Variants in RNF208 observed in about 807,000 individuals in gnomAD.
RNF208 encodes ring finger protein 208.
RNF208 carries 7 observed loss-of-function variants against 15.2 expected under a neutral mutation model. That is an observed-to-expected ratio of 0.46 (90% confidence interval 0.26 to 0.86). The LOEUF is 0.86. Ranked by LOEUF, RNF208 falls within the 40% of genes least tolerant of loss-of-function variation. The pLI is 0.16. For synonymous variants in RNF208, 211 were observed against 163.2 expected, an observed-to-expected ratio of 1.29 and a Z score of -2.23; for missense variants, 342 against 364.1, an observed-to-expected ratio of 0.94 and a Z score of 0.49.
upstream of RNF208, among the ~76,000 whole-genome samples, chr9:137,223,056 C>A (rs1021041306): frequency 6.6e-6 from 1 of 152,218 alleles, no homozygotes; most frequent in Non-Finnish European, 1.5e-5. Context: ...CTCCTCTCTC[C>A]GCTGGACTGG....
chr9:137,222,806 G>C (rs1044402964), upstream of RNF208, among the ~76,000 whole-genome samples: 4 of 152,252 alleles, frequency 2.6e-5, no homozygotes, highest in African/African-American at 9.6e-5. Context: ...GGGTGGAGGC[G>C]GCCCTGAGGA....
chr9:137,223,182 T>G (rs1318193484), upstream of RNF208, among the ~76,000 whole-genome samples: 1 of 152,228 alleles, frequency 6.6e-6, no homozygotes, highest in Non-Finnish European at 1.5e-5. Flanking sequence ...GGAGCAGCCC[T>G]GCGCATAGGG....
chr9:137,221,271 GGGGCAGGT>G lies in RNF208; in HGVS notation c.-67_-60del. 8.4e-7 allele frequency: 1 copy of G among 1,188,792 alleles called. No homozygotes were observed. The highest frequency in any genetic ancestry group is 1.1e-6 in the Non-Finnish European group (1 of 894,934). 73.6% of individuals were successfully genotyped at this position (1,188,792 alleles called of 1,614,324 possible). A position where few individuals can be genotyped will look rare whatever the true frequency, so the allele number is the denominator to read the frequency against. On this transcript the variant is annotated 5_prime_UTR_variant, in exon 2 of 2. The change abolishes the stop of an existing upstream ORF in the 5' untranslated region. Coordinates refer to ENST00000391553, the MANE Select transcript of RNF208 (RefSeq NM_031297.7). ...GGGTGGGGGCGTTGTGTGGGGCTGG[GGGGCAGGT>G]GACAGGGCAGCATCCTGGTCCCGCC... is the stretch of plus-strand genomic sequence containing the variant.
chr9:137,222,986 T>G (rs1208929231), upstream of RNF208, among the ~76,000 whole-genome samples: 1 of 152,354 alleles, frequency 6.6e-6, no homozygotes, highest in East Asian at 1.9e-4. Flanking sequence ...GGGCCTCCGC[T>G]GCCACGCTGT....
chr9:137,220,803 G>A lies in RNF208; in HGVS notation c.410C>T (p.Ala137Val). 6.2e-7 allele frequency: 1 copy of A among 1,607,750 alleles called. No homozygotes were observed. The change falls in exon 2 of 2, where the codon GCA becomes GTA. Residue 137 changes from alanine (A) to valine (V), a missense_variant. Transcript: ENST00000391553. ...PSASAASSAAAGEPLECPTCG... is the reference protein window; with the variant it reads ...PSASAASSAAVGEPLECPTCG... The stretch of plus-strand genomic sequence containing the variant: ...GGTGGGGCACTCCAGGGGCTCGCCT[G>A]CCGCCGCCGAAGAAGCCGCCGAGGC...
In RNF208 at chr9:137,221,742, C is replaced by T. The variant is rs1371890796; in HGVS notation, c.-526-4G>A. The stretch of plus-strand genomic sequence containing the variant: ...CGAGGCCTGGGCCAGGCCTGAGCTG[C>T]AGGTGAGAGACGGCATGAGGGCAGT... On this transcript the variant is annotated splice_region_variant and splice_polypyrimidine_tract_variant and intron_variant, in intron 1 of 1. Coordinates refer to ENST00000391553, the MANE Select transcript of RNF208 (RefSeq NM_031297.7). Among the ~76,000 whole-genome samples, 1 of 152,104 alleles carries T rather than the reference C, an allele frequency of 6.6e-6. No homozygotes were observed. Among genetic ancestry groups the T allele is most frequent in the Non-Finnish European group, 1.5e-5 (1 of 67,972 alleles).
Position 137,220,641 on chromosome 9 carries a change from C to A in RNF208, c.572G>T (p.Arg191Leu). ...GTAGTCGGTGAAGAGCACAGTCTCA[C>A]GGCGGCAGGTGGGGCAGGAGATGAA... ...YKFISCPTCRRETVLFTDYGL... is the reference protein window; with the variant it reads ...YKFISCPTCRLETVLFTDYGL... The change falls in exon 2 of 2, where the codon CGT (arginine) becomes CTT (leucine). Residue 191 changes from arginine (R) to leucine (L), a missense_variant. Around this residue, in one of 3 missense-constraint regions of RNF208, gnomAD observed 76 missense variants for 118.0 expected, o/e 0.64. Transcript: ENST00000391553. 6.2e-7 allele frequency: 1 copy of A among 1,612,522 alleles called. No individual in the cohort carries two copies. The highest frequency in any genetic ancestry group is 1.1e-5 in the South Asian group (1 of 91,068).
chr9:137,223,367 G>A (rs1419355719), upstream of RNF208, among the ~76,000 whole-genome samples: 2 of 152,214 alleles, frequency 1.3e-5, no homozygotes, highest in Non-Finnish European at 2.9e-5. Flanking sequence ...CTCCGCCGCA[G>A]ACTCTGCTCA....
Position 137,221,639 on chromosome 9 carries a change from G to A in RNF208, c.-427C>T, listed in dbSNP as rs1019158863. On this transcript the variant is annotated 5_prime_UTR_variant, in exon 2 of 2. Transcript: ENST00000391553. ...GGTGGGCCCCATGGCTCCAGGACAG[G>A]GCGCCCAGGGAAGGCAGCTAGCCGA... is the stretch of plus-strand genomic sequence containing the variant. 1 of 161,792 alleles carries A rather than the reference G, an allele frequency of 6.2e-6. No individual in the cohort carries two copies. The highest frequency in any genetic ancestry group is 1.3e-5 in the Non-Finnish European group (1 of 74,926). 10.0% of individuals were successfully genotyped at this position (161,792 alleles called of 1,614,324 possible). A position where few individuals can be genotyped will look rare whatever the true frequency, so the allele number is the denominator to read the frequency against.
chr9:137,221,438 A>AG lies in RNF208; in HGVS notation c.-227dup, dbSNP rs1273213528. The stretch of plus-strand genomic sequence containing the variant: ...TGGGAGGAGGAGGAAGGGGTGGGGG[A>AG]GGGGGAGGCAGGCGGGGGCAGGGAG... On this transcript the variant is annotated 5_prime_UTR_variant, in exon 2 of 2. Transcript: ENST00000391553. The AG allele has an allele frequency of 1.2e-4, 2 of 16,898 alleles. No individual in the cohort carries two copies. Among genetic ancestry groups the AG allele is most frequent in the African/African-American group, 4.5e-4 (2 of 4,424 alleles). The allele number at this position is 16,898 out of a possible 1,614,324, so 1.0% of individuals were successfully genotyped here.
In RNF208 at chr9:137,220,354, G is replaced by A. The variant is rs889316136; in HGVS notation, c.*73C>T. ...GGTGGGGAAGGAAGGGTCAGCGGGC[G>A]GCAGGGCAGGGCCGGGTCCCTGAAG... is the stretch of plus-strand genomic sequence containing the variant. On this transcript the variant is annotated 3_prime_UTR_variant, in exon 2 of 2. Transcript: ENST00000391553. 2.9e-5 allele frequency: 41 copies of A among 1,436,286 alleles called. No individual in the cohort carries two copies. The highest frequency in any genetic ancestry group is 1.1e-4 in the African/African-American group (8 of 71,042). The allele number at this position is 1,436,286 out of a possible 1,614,324, so 89.0% of individuals were successfully genotyped here.
chr9:137,220,394 G>A lies in RNF208; in HGVS notation c.*33C>T. ...GGTCCCTGAAGAAGCAGCGAGCGAGGCTCAGCGGGCAGTGGCGGGCAGGCA... is the reference window on the plus strand; with the variant it reads ...GGTCCCTGAAGAAGCAGCGAGCGAGACTCAGCGGGCAGTGGCGGGCAGGCA... On this transcript the variant is annotated 3_prime_UTR_variant, in exon 2 of 2. Coordinates refer to ENST00000391553, the MANE Select transcript of RNF208 (RefSeq NM_031297.7). 1 of 1,529,562 alleles carries A rather than the reference G, an allele frequency of 6.5e-7. No homozygotes were observed. The highest frequency in any genetic ancestry group is 1.4e-5 in the African/African-American group (1 of 73,816). 94.7% of individuals were successfully genotyped at this position (1,529,562 alleles called of 1,614,324 possible).
In RNF208 at chr9:137,221,192, G is replaced by T; in HGVS notation, c.21C>A (p.Pro7=). The T allele has an allele frequency of 6.6e-7, 1 of 1,518,656 alleles. No individual in the cohort carries two copies. The highest frequency in any genetic ancestry group is 8.8e-7 in the Non-Finnish European group (1 of 1,131,290). 94.1% of individuals were successfully genotyped at this position (1,518,656 alleles called of 1,614,324 possible). A position where few individuals can be genotyped will look rare whatever the true frequency, so the allele number is the denominator to read the frequency against. The part of the protein sequence containing the change: MPSDPG[P]EAGSGWPGLL... ...GGCCCGGCCAGCCACTGCCCGCCTC[G>T]GGCCCGGGGTCAGAGGGCATCCGGC... The change falls in exon 2 of 2, where the codon CCC becomes CCA. Residue 7 remains proline, a synonymous_variant. Transcript: ENST00000391553.
rs1038987185 is a variant in RNF208, at chr9:137,221,969, C to G, written c.-527+20G>C. 1.3e-5 allele frequency among the ~76,000 whole-genome samples: 2 copies of G among 151,904 alleles called. No homozygotes were observed. The highest frequency in any genetic ancestry group is 2.9e-5 in the Non-Finnish European group (2 of 67,912). On this transcript the variant is annotated intron_variant, in intron 1 of 1. Transcript: ENST00000391553. The stretch of plus-strand genomic sequence containing the variant: ...GGAGGGGCGCTGAGTCCGCCCCCGG[C>G]CCCCGCCCCCTGCGCTCACCTGCCC...
In RNF208 at chr9:137,220,700, C is replaced by T; in HGVS notation, c.513G>A (p.Leu171=). 1 of 1,612,606 alleles carries T rather than the reference C, an allele frequency of 6.2e-7. No individual in the cohort carries two copies. The highest frequency in any genetic ancestry group is 8.5e-7 in the Non-Finnish European group (1 of 1,179,940). ...SCLHSVCEQC[L]QILYESCPKY... is the part of the protein sequence containing the mutation. ...TGGGGCAGGACTCGTAGAGAATCTG[C>T]AGGCACTGCTCACACACAGAGTGCA... Residue 171 remains leucine (L), a synonymous_variant, in exon 2 of 2, where the codon CTG becomes CTA. Transcript: ENST00000391553.
In RNF208 at chr9:137,220,423, G is replaced by T; in HGVS notation, c.*4C>A. 1 of 1,560,158 alleles carries T rather than the reference G, an allele frequency of 6.4e-7. No individual in the cohort carries two copies. Among genetic ancestry groups the T allele is most frequent in the Non-Finnish European group, 8.7e-7 (1 of 1,151,086 alleles). ...AGCGGGCAGTGGCGGGCAGGCAGGC[G>T]CTACTACATGATGGAGCAGGCGGAC... is the stretch of plus-strand genomic sequence containing the variant. On this transcript the variant is annotated 3_prime_UTR_variant, in exon 2 of 2. Coordinates refer to ENST00000391553, the MANE Select transcript of RNF208 (RefSeq NM_031297.7).
In RNF208 at chr9:137,221,369, C is replaced by G. The variant is rs866875953; in HGVS notation, c.-157G>C. 108 of 393,458 alleles carry G rather than the reference C, an allele frequency of 2.7e-4. No homozygotes were observed. In the Middle Eastern group the frequency reaches 2.8e-3, roughly 10 times the overall value. 24.4% of individuals were successfully genotyped at this position (393,458 alleles called of 1,614,324 possible). On this transcript the variant is annotated 5_prime_UTR_variant, in exon 2 of 2. Transcript: ENST00000391553. ...GGACAGCCGGCGAGAGTTGGGGGTG[C>G]AGGGCCCCCCCCAGTGGCCACAGTG...
Position 137,221,198 on chromosome 9 carries a change from G to A in RNF208, c.15C>T (p.Pro5=), listed in dbSNP as rs376968453. The A allele has an allele frequency of 1.5e-4, 230 of 1,503,212 alleles. No homozygotes were observed. The highest frequency in any genetic ancestry group is 2.3e-4 in the Admixed American group (11 of 48,028). The allele number at this position is 1,503,212 out of a possible 1,614,324, so 93.1% of individuals were successfully genotyped here. The part of the protein sequence containing the change: MPSD[P]GPEAGSGWPG... ...GCCAGCCACTGCCCGCCTCGGGCCC[G>A]GGGTCAGAGGGCATCCGGCTGTCTC... Residue 5 remains proline (P), a synonymous_variant, in exon 2 of 2, where the codon CCC becomes CCT. Transcript: ENST00000391553.
chr9:137,220,358 G>A lies in RNF208; in HGVS notation c.*69C>T. 3 of 1,448,804 alleles carry A rather than the reference G, an allele frequency of 2.1e-6. No individual in the cohort carries two copies. The highest frequency in any genetic ancestry group is 2.7e-5 in the South Asian group (2 of 73,638). 89.7% of individuals were successfully genotyped at this position (1,448,804 alleles called of 1,614,324 possible). A position where few individuals can be genotyped will look rare whatever the true frequency, so the allele number is the denominator to read the frequency against. ...GGGAAGGAAGGGTCAGCGGGCGGCA[G>A]GGCAGGGCCGGGTCCCTGAAGAAGC... On this transcript the variant is annotated 3_prime_UTR_variant, in exon 2 of 2. Transcript: ENST00000391553.
Sources: gnomAD v4.1 joint callset for allele counts (sites outside exome capture counted in the v4.1 genomes callset) on GRCh38, gnomAD v4.1.1 for gene constraint, gnomAD v4.1.1 regional missense constraint, MANE v1.5 for transcripts, NCBI Gene and HGNC (gene_info 2026-07-23, HGNC 2026-07-21) for gene names.